Variants in SANBR observed in about 807,000 individuals in gnomAD.
The protein encoded by SANBR is SANT and BTB domain regulator of CSR.
Under a neutral mutation model 101.8 loss-of-function variants are expected in SANBR, and 77 were observed. The ratio of observed to expected loss-of-function variants is 0.76; its 90% CI spans 0.63 to 0.91. SANBR has a LOEUF of 0.91. Among genes scored for constraint, SANBR ranks in the 40% least tolerant of loss-of-function variants. SANBR has a pLI of 0.00. For missense variants in SANBR, 875 were observed against 853.0 expected, an observed-to-expected ratio of 1.03 and a Z score of -0.32; for synonymous variants, 279 against 274.7, an observed-to-expected ratio of 1.02 and a Z score of -0.15.
At position 61,106,424 on chromosome 2, in the gene SANBR, A is replaced by G. The variant is rs1683570400; in HGVS notation, c.1512-139A>G. ...AAAAAAAAAAAAAAAAGGAAATGTC[A>G]TTGTTGACGTGATATCCTTATACTC... On this transcript the variant is annotated intron_variant, in intron 13 of 21. Coordinates refer to ENST00000402291, the MANE Select transcript of SANBR (RefSeq NM_001129993.3). 5 of 466,268 alleles carry G rather than the reference A, an allele frequency of 1.1e-5. No homozygotes were observed. In the Admixed American group the frequency reaches 1.4e-4, roughly 13 times the overall value. The allele number at this position is 466,268 out of a possible 1,614,324, so 28.9% of individuals were successfully genotyped here.
intron 20 of SANBR, among the ~76,000 whole-genome samples, chr2:61,131,546 A>C (rs935642161): frequency 6.6e-6 from 1 of 152,224 alleles, no homozygotes; most frequent in African/African-American, 2.4e-5. Context: ...ATCTAAATAA[A>C]TGGAAAGACA....
chr2:61,120,190 G>A (rs1684263410), intron 20 of SANBR, among the ~76,000 whole-genome samples: 2 of 151,796 alleles, frequency 1.3e-5, no homozygotes, highest in South Asian at 4.2e-4. Flanking sequence ...CTGGTAAATG[G>A]GAAAACAAAC....
At chr2:61,081,391 C>G in intron 6 of SANBR, 61 bp from the exon 7 acceptor site, 1 of 1,476,884 alleles carries the variant, frequency 6.8e-7, no homozygotes, top group Non-Finnish European at 9.1e-7. Context: ...TAAGAAGGAG[C>G]CTGTTCAGAG....
intron 21 of SANBR, among the ~76,000 whole-genome samples, chr2:61,136,939 C>T (rs966934178): frequency 2.0e-5 from 3 of 151,930 alleles, no homozygotes; most frequent in Admixed American, 1.3e-4. Context: ...CACTGCACTC[C>T]AGCCTGTGCG....
chr2:61,088,584 G>A (rs1386789693), intron 10 of SANBR, 116 bp downstream of exon 10: 2 of 619,510 alleles, frequency 3.2e-6, no homozygotes, highest in Non-Finnish European at 5.0e-6. Flanking sequence ...CAGTGGTGTG[G>A]TCTTGGCTGA....
intron 3 of SANBR, among the ~76,000 whole-genome samples, chr2:61,071,329 T>A (rs992811772): frequency 6.6e-5 from 10 of 152,054 alleles, no homozygotes; most frequent in Non-Finnish European, 1.3e-4. Context: ...GGCAGGCAGA[T>A]CACGAGGTCA....
At chr2:61,084,492 G>A (rs2104881073) in intron 8 of SANBR, among the ~76,000 whole-genome samples, 1 of 152,168 alleles carries the variant, frequency 6.6e-6, no homozygotes, top group Middle Eastern at 3.4e-3. Flanking sequence ...AAGCTGTAGG[G>A]CACTACTATT....
rs763634221 is a variant in SANBR at position 61,070,466 on chromosome 2, T to C, written c.116T>C (p.Ile39Thr). ...GIPQTINWET[I>T]ARLVPGLTPK... is the part of the protein sequence containing the mutation. Reference sequence around the variant, plus strand: ...CCTCAGACTATCAACTGGGAAACTATAGCAAGGCTCGTGCCTGGATTAACA... The same window carrying C: ...CCTCAGACTATCAACTGGGAAACTACAGCAAGGCTCGTGCCTGGATTAACA... The change falls in exon 3 of 22, where the codon ATA becomes ACA. Residue 39 changes from isoleucine (I) to threonine (T), a missense_variant. Coordinates refer to ENST00000402291, the MANE Select transcript of SANBR (RefSeq NM_001129993.3). 3.1e-5 allele frequency: 50 copies of C among 1,603,078 alleles called. No homozygotes were observed. Among genetic ancestry groups the C allele is most frequent in the Non-Finnish European group, 2.6e-6 (3 of 1,176,010 alleles).
chr2:61,128,836 C>G (rs1684593553), downstream of SANBR, among the ~76,000 whole-genome samples: 1 of 151,976 alleles, frequency 6.6e-6, no homozygotes, highest in Non-Finnish European at 1.5e-5. Context: ...GTGGCACACA[C>G]CTGTAATTCC....
At chr2:61,106,390 C>CAAAAAAAAAAAAAAAAAAAAAAAAA in intron 13 of SANBR, among the ~76,000 whole-genome samples, 173 bp from the exon 14 acceptor site, 1 of 63,262 alleles carries the variant, frequency 1.6e-5, no homozygotes, top group Non-Finnish European at 2.8e-5. Flanking sequence ...GACTCCATCT[C>CAAAAAAAAAAAAAAAAAAAAAAAAA]AAAAAAAAAA....
rs182659167 is a variant in SANBR at position 61,097,827 on chromosome 2, G to A, written c.1340G>A (p.Arg447Gln). Residue 447 changes from arginine to glutamine, a missense_variant, in exon 12 of 22, where the codon CGG (arginine) becomes CAG (glutamine). By Grantham distance (43) the Arg-to-Gln change is conservative. Coordinates refer to ENST00000402291, the MANE Select transcript of SANBR (RefSeq NM_001129993.3). ...CCCTGCTGTAACCAAAAGGTTCTTCGGTTTGATCCTACTCAGCTTACAAAG... is the reference window on the plus strand; with the variant it reads ...CCCTGCTGTAACCAAAAGGTTCTTCAGTTTGATCCTACTCAGCTTACAAAG... The part of the protein sequence containing the change: ...IYPCCNQKVL[R>Q]FDPTQLTKGC... The A allele has an allele frequency of 7.4e-6, 12 of 1,612,806 alleles. No homozygotes were observed. The East Asian group carries it at 1.1e-4, about 15-fold the overall frequency.
intron 14 of SANBR, among the ~76,000 whole-genome samples, 169 bp from the exon 15 acceptor site, chr2:61,108,148 A>G (rs149931541): frequency 1.3e-5 from 2 of 152,350 alleles, no homozygotes; most frequent in East Asian, 3.9e-4. Context: ...AGCAGAGGAT[A>G]TTAAAGACTG....
chr2:61,104,020 C>T (rs1452062111), intron 13 of SANBR, 22 bp downstream of exon 13: 1 of 1,610,218 alleles, frequency 6.2e-7, no homozygotes, highest in Admixed American at 1.7e-5. Flanking sequence ...AAAAACCCAA[C>T]ACTGTATTAT....
chr2:61,121,255 G>A lies in SANBR; in HGVS notation c.2099G>A (p.Ser700Asn). ...TCAGTGCCAGTTAGTGCACGCCAAAGCAGCTCAGAGAAAAACACAAGGTAA... is the reference window on the plus strand; with the variant it reads ...TCAGTGCCAGTTAGTGCACGCCAAAACAGCTCAGAGAAAAACACAAGGTAA... ...KASVPVSARQSSSEKNTRSKS... is the reference protein window; with the variant it reads ...KASVPVSARQNSSEKNTRSKS... Residue 700 changes from serine to asparagine, a missense_variant, in exon 21 of 22, where the codon AGC becomes AAC. Transcript: ENST00000402291. The A allele has an allele frequency of 1.3e-6, 2 of 1,550,954 alleles. No homozygotes were observed.
At chr2:61,070,611 T>C (rs1361375691) in intron 3 of SANBR, 111 bp downstream of exon 3, 1 of 878,546 alleles carries the variant, frequency 1.1e-6, no homozygotes, top group Non-Finnish European at 1.7e-6. Context: ...TTCAAATGCA[T>C]GTATTAACAC....
Position 61,098,077 on chromosome 2 carries a change from AT to A in SANBR, c.1365+231del, listed in dbSNP as rs1200713012. 2.6e-5 allele frequency among the ~76,000 whole-genome samples: 3 copies of A among 116,836 alleles called. No individual in the cohort carries two copies. In the South Asian group the frequency reaches 7.4e-4, roughly 29 times the overall value. 76.6% of individuals were successfully genotyped at this position (116,836 alleles called of 152,430 possible). On this transcript the variant is annotated intron_variant, in intron 12 of 21. Coordinates refer to ENST00000402291, the MANE Select transcript of SANBR (RefSeq NM_001129993.3). Reference sequence around the variant, plus strand: ...ACAAATTATATATATATATATATATATTTTTTGGAGGTTTTTGTTTTTTGTT... The same window carrying A: ...ACAAATTATATATATATATATATATATTTTTGGAGGTTTTTGTTTTTTGTT...
intron 2 of SANBR, among the ~76,000 whole-genome samples, 169 bp downstream of exon 2, chr2:61,069,154 T>C (rs891139792): frequency 1.3e-5 from 2 of 152,234 alleles, no homozygotes; most frequent in Non-Finnish European, 2.9e-5. Context: ...CTAATTATAA[T>C]TAACATTTAT....
intron 8 of SANBR, among the ~76,000 whole-genome samples, chr2:61,085,805 C>T (rs1173354103): frequency 6.6e-6 from 1 of 152,164 alleles, no homozygotes; most frequent in African/African-American, 2.4e-5. Flanking sequence ...GCCACCACAC[C>T]CAGCCAACAC....
intron 12 of SANBR, among the ~76,000 whole-genome samples, chr2:61,099,664 A>G (rs1348232210): frequency 6.6e-6 from 1 of 152,196 alleles, no homozygotes; most frequent in Non-Finnish European, 1.5e-5. Context: ...CTTGCAATAG[A>G]TGATAGTTAA....
Sources: allele counts gnomAD v4.1 joint callset (sites outside exome capture counted in the v4.1 genomes callset), GRCh38; gene constraint gnomAD v4.1.1; transcripts MANE v1.5; gene names NCBI Gene and HGNC (gene_info 2026-07-23, HGNC 2026-07-21).